Variants in PCDHGA7 observed in about 807,000 individuals in gnomAD.
The protein encoded by PCDHGA7 is protocadherin gamma subfamily A, 7.
PCDHGA7 carries 44 observed loss-of-function variants against 58.3 expected under a neutral mutation model. The ratio of observed to expected loss-of-function variants is 0.75; its 90% CI spans 0.59 to 0.97. The LOEUF is 0.97. PCDHGA7 is among the 50% of genes least tolerant of loss of function. PCDHGA7 has a pLI of 0.00. For synonymous variants in PCDHGA7, 516 were observed against 504.2 expected, an observed-to-expected ratio of 1.02 and a Z score of -0.31; for missense variants, 1,266 against 1,188.7, an observed-to-expected ratio of 1.06 and a Z score of -0.96.
chr5:141,383,192 A>T lies in PCDHGA7; in HGVS notation c.293A>T (p.Gln98Leu). ...GRIDREEICA[Q>L]SARCLVNFNI... is the part of the protein sequence containing the mutation. The stretch of plus-strand genomic sequence containing the variant: ...ATAGACCGGGAAGAGATCTGCGCTC[A>T]GAGTGCGCGGTGTCTGGTAAACTTT... The change falls in exon 1 of 4, where the codon CAG (glutamine) becomes CTG (leucine). Residue 98 changes from glutamine to leucine, a missense_variant. By Grantham distance (113) the Gln-to-Leu change is moderately radical. Transcript: ENST00000518325. 1 of 1,614,092 alleles carries T rather than the reference A, an allele frequency of 6.2e-7. No individual in the cohort carries two copies. Among genetic ancestry groups the T allele is most frequent in the Non-Finnish European group, 8.5e-7 (1 of 1,179,944 alleles).
rs1301800438 is a variant in PCDHGA7, at chr5:141,432,966, C to T, written c.2424+47643C>T. ...TCAGGAGGCGGCTTGACAGGAGCGC[C>T]GGCGTCGCACTTTGTGGGCGTGGAC... On this transcript the variant is annotated intron_variant, in intron 1 of 3. Coordinates refer to ENST00000518325, the MANE Select transcript of PCDHGA7 (RefSeq NM_018920.4). This position sits in a 1 kb window ranked among gnomAD's most constrained non-coding sequence, Gnocchi z 6.0. 1.2e-6 allele frequency: 2 copies of T among 1,614,066 alleles called. No homozygotes were observed. The highest frequency in any genetic ancestry group is 8.5e-7 in the Non-Finnish European group (1 of 1,180,052).
At chr5:141,506,188 C>T (rs925159785) in intron 3 of PCDHGA7, among the ~76,000 whole-genome samples, 2 of 152,058 alleles carry the variant, frequency 1.3e-5, no homozygotes, top group African/African-American at 4.8e-5. Flanking sequence ...TGGTGGCTCA[C>T]GCCTGTAATC....
chr5:141,394,508 C>A (rs776107587), intron 1 of PCDHGA7: 3 of 1,614,104 alleles, frequency 1.9e-6, no homozygotes, highest in Non-Finnish European at 2.5e-6. Context: ...TCCTGTACCC[C>A]GCCCTCCCCA....
At position 141,410,109 on chromosome 5, in the gene PCDHGA7, A is replaced by T. The variant is rs771550139; in HGVS notation, c.2424+24786A>T. On this transcript the variant is annotated intron_variant, in intron 1 of 3. Transcript: ENST00000518325. ...ACGGCTCGAGCCTTAGGCGACAGGG[A>T]CGCAGCCCGCCAGCGCCTGCTGGTC... is the stretch of plus-strand genomic sequence containing the variant. 9.9e-6 allele frequency: 16 copies of T among 1,612,380 alleles called. 1 individual carries two copies. The South Asian group carries it at 1.6e-4, about 17-fold the overall frequency.
At chr5:141,464,422 TATAG>T (rs2099083887) in intron 1 of PCDHGA7, among the ~76,000 whole-genome samples, 1 of 151,672 alleles carries the variant, frequency 6.6e-6, no homozygotes, top group African/African-American at 2.4e-5. Context: ...TATCTATATA[TATAG>T]ATATATATGT....
chr5:141,397,909 T>G lies in PCDHGA7; in HGVS notation c.2424+12586T>G, dbSNP rs1004406261. On this transcript the variant is annotated intron_variant, in intron 1 of 3. Coordinates refer to ENST00000518325, the MANE Select transcript of PCDHGA7 (RefSeq NM_018920.4). Reference sequence around the variant, plus strand: ...TTGGCCAAAGTGCAGAGCTTGGCGCTCCAGATCTCCTCGCGCAGCCGCAGC... The same window carrying G: ...TTGGCCAAAGTGCAGAGCTTGGCGCGCCAGATCTCCTCGCGCAGCCGCAGC... 114 of 677,396 alleles carry G rather than the reference T, an allele frequency of 1.7e-4. No individual in the cohort carries two copies. In the East Asian group the frequency reaches 2.8e-3, roughly 17 times the overall value. The allele number at this position is 677,396 out of a possible 1,614,324, so 42.0% of individuals were successfully genotyped here. A position where few individuals can be genotyped will look rare whatever the true frequency, so the allele number is the denominator to read the frequency against.
Position 141,405,419 on chromosome 5 carries a change from TTTG to T in PCDHGA7, c.2424+20099_2424+20101del, listed in dbSNP as rs372094745. On this transcript the variant is annotated intron_variant, in intron 1 of 3. Transcript: ENST00000518325. ...CTTTCTTTCTTTTCTTTTTTTGTTT[TTTG>T]TTTTGTTTTGTTTTTGAGACAGAGT... The T allele has an allele frequency of 6.8e-4, 1,019 of 1,509,010 alleles. 10 individuals are homozygous for T. In the African/African-American group the frequency reaches 0.012, roughly 18 times the overall value. The allele number at this position is 1,509,010 out of a possible 1,614,324, so 93.5% of individuals were successfully genotyped here.
chr5:141,403,177 C>T, intron 1 of PCDHGA7: 3 of 1,614,008 alleles, frequency 1.9e-6, no homozygotes, highest in Non-Finnish European at 2.5e-6. Context: ...CGCAGCTTTT[C>T]TCTCTGAACC....
intron 1 of PCDHGA7, chr5:141,399,277 G>T: frequency 6.2e-7 from 1 of 1,613,890 alleles, no homozygotes; most frequent in Non-Finnish European, 8.5e-7. Flanking sequence ...TCAATTACAA[G>T]GCGAAGTCCC....
rs1246971074 is a variant in PCDHGA7 at position 141,384,030 on chromosome 5, A to G, written c.1131A>G (p.Gly377=). The G allele has an allele frequency of 1.2e-6, 2 of 1,613,466 alleles. No individual in the cohort carries two copies. Among genetic ancestry groups the G allele is most frequent in the Non-Finnish European group, 1.7e-6 (2 of 1,179,676 alleles). Residue 377 remains glycine, a synonymous_variant, in exon 1 of 4, where the codon GGA becomes GGG. Transcript: ENST00000518325. ...TCTACCTACAAGACAGAGATTCTGG[A>G]AAGAATGGTGAGGTGACCTGCACCA... The part of the protein sequence containing the change: ...ALFYLQDRDS[G]KNGEVTCTIP...
intron 1 of PCDHGA7, among the ~76,000 whole-genome samples, chr5:141,401,748 C>G (rs2094189969): frequency 6.6e-6 from 1 of 152,134 alleles, no homozygotes; most frequent in Non-Finnish European, 1.5e-5. Context: ...ATACAAAGCT[C>G]CCATTACATG....
At chr5:141,478,045 T>C in intron 1 of PCDHGA7, 3 of 1,614,144 alleles carry the variant, frequency 1.9e-6, no homozygotes, top group East Asian at 2.2e-5. Flanking sequence ...CCAGGCAGAC[T>C]CTCACGGTCT....
intron 1 of PCDHGA7, chr5:141,405,415 G>GT (rs757320616): frequency 1.9e-6 from 3 of 1,559,568 alleles, no homozygotes; most frequent in South Asian, 2.3e-5. Context: ...TTCTTTTTTT[G>GT]TTTTTTGTTT....
In PCDHGA7 at chr5:141,448,129, C is replaced by A. The variant is rs116387986; in HGVS notation, c.2425-46678C>A. On this transcript the variant is annotated intron_variant, in intron 1 of 3. Coordinates refer to ENST00000518325, the MANE Select transcript of PCDHGA7 (RefSeq NM_018920.4). Reference sequence around the variant, plus strand: ...AGAAAAGAAAATTAGCCTCCCCCACCCTCACTATACCTCAGACTCACCCCT... The same window carrying A: ...AGAAAAGAAAATTAGCCTCCCCCACACTCACTATACCTCAGACTCACCCCT... 4.4e-3 allele frequency among the ~76,000 whole-genome samples: 671 copies of A among 152,002 alleles called. 4 individuals carry two copies. Among genetic ancestry groups the A allele is most frequent in the African/African-American group, 0.015 (612 of 41,466 alleles).
Position 141,477,128 on chromosome 5 carries a change from G to C in PCDHGA7, c.2425-17679G>C. On this transcript the variant is annotated intron_variant, in intron 1 of 3. Transcript: ENST00000518325. The surrounding 1 kb of genome is among the most constrained non-coding windows in gnomAD (Gnocchi z 4.9). ...CAATCCCGAAGGAGCACATTGCAAA[G>C]TGTTGGTGGAGGTTGTGGATGTGAA... 1.9e-6 allele frequency: 3 copies of C among 1,614,250 alleles called. No homozygotes were observed. The highest frequency in any genetic ancestry group is 2.5e-6 in the Non-Finnish European group (3 of 1,180,046).
intron 1 of PCDHGA7, chr5:141,394,087 C>G (rs2092917292): frequency 6.2e-7 from 1 of 1,613,770 alleles, no homozygotes; most frequent in Admixed American, 1.7e-5. Flanking sequence ...GTGATGGCCT[C>G]AGATCTAGGA....
intron 1 of PCDHGA7, among the ~76,000 whole-genome samples, chr5:141,406,795 C>G (rs1277584347): frequency 6.6e-6 from 1 of 152,204 alleles, no homozygotes; most frequent in African/African-American, 2.4e-5. Context: ...TTATTTCTGG[C>G]TCAATTCTCC....
At chr5:141,436,910 TGTGA>T (rs1332506247) in intron 1 of PCDHGA7, among the ~76,000 whole-genome samples, 1 of 152,228 alleles carries the variant, frequency 6.6e-6, no homozygotes, top group Non-Finnish European at 1.5e-5. Flanking sequence ...GAGACAATTT[TGTGA>T]GTGTTACTTT....
At chr5:141,494,250 G>C (rs908660385) in intron 1 of PCDHGA7, among the ~76,000 whole-genome samples, 3 of 152,182 alleles carry the variant, frequency 2.0e-5, no homozygotes, top group African/African-American at 7.2e-5. Flanking sequence ...TTTAGCTGTG[G>C]GAAGAGATTC....
Sources: gnomAD v4.1 joint callset for allele counts (sites outside exome capture counted in the v4.1 genomes callset) on GRCh38, gnomAD v4.1.1 for gene constraint, Gnocchi (gnomAD v3.1) non-coding constraint, MANE v1.5 for transcripts, NCBI Gene and HGNC (gene_info 2026-07-23, HGNC 2026-07-21) for gene names.